The following NR6A1 variants were observed in gnomAD, a reference collection of about 807,000 sequenced individuals.
NR6A1 encodes nuclear receptor subfamily 6 group A member 1, also known as retinoic acid receptor-related testis-associated receptor.
NR6A1 carries 7 observed loss-of-function variants against 59.1 expected under a neutral mutation model. That is an observed-to-expected ratio of 0.12 (90% CI 0.07 to 0.22). NR6A1 has a LOEUF of 0.22. NR6A1 is among the 10% of genes least tolerant of loss of function. The probability of loss-of-function intolerance (pLI) is 1.00; values close to 1 mark genes in which losing one functional copy is unlikely to be tolerated. For missense variants in NR6A1, 468 were observed against 611.6 expected (o/e 0.77, Z 2.48); for synonymous variants, 243 against 236.1 (o/e 1.03, Z -0.27).
intron 2 of NR6A1, among the ~76,000 whole-genome samples, chr9:124,686,704 C>CTT (rs751899156): frequency 1.3e-3 from 174 of 135,830 alleles, no homozygotes; most frequent in African/African-American, 3.6e-3. Flanking sequence ...CTTTAAAAGT[C>CTT]TTTTTTTTTT....
intron 2 of NR6A1, among the ~76,000 whole-genome samples, chr9:124,636,171 T>C (rs1219385203): frequency 6.6e-6 from 1 of 152,266 alleles, no homozygotes; most frequent in African/African-American, 2.4e-5. Flanking sequence ...GAGGTATCTG[T>C]TAAGGCCTTT....
intron 2 of NR6A1, among the ~76,000 whole-genome samples, chr9:124,596,260 G>C (rs1356242706): frequency 2.0e-5 from 3 of 151,858 alleles, no homozygotes; most frequent in Non-Finnish European, 4.4e-5. Context: ...TTCGGTCTAA[G>C]GAAAAGACAA....
intron 2 of NR6A1, among the ~76,000 whole-genome samples, chr9:124,562,238 A>C (rs1056454769): frequency 2.0e-5 from 3 of 152,214 alleles, no homozygotes; most frequent in Non-Finnish European, 4.4e-5. Flanking sequence ...GTAGCCACAA[A>C]TATAATATCA....
At chr9:124,563,028 C>T (rs1834124433) in intron 2 of NR6A1, among the ~76,000 whole-genome samples, 1 of 152,200 alleles carries the variant, frequency 6.6e-6, no homozygotes, top group Admixed American at 6.5e-5. Context: ...TTCTCAGTTA[C>T]ACCTAACCAA....
chr9:124,667,623 A>G (rs1275834046), intron 2 of NR6A1, among the ~76,000 whole-genome samples: 4 of 152,212 alleles, frequency 2.6e-5, no homozygotes, highest in African/African-American at 9.6e-5. Context: ...GAAATTGTAT[A>G]GAAGAAAAAT....
At chr9:124,540,294 T>C (rs1294691995) in intron 4 of NR6A1, 107 bp from the exon 5 acceptor site, 9 of 1,185,392 alleles carry the variant, frequency 7.6e-6, no homozygotes, top group Non-Finnish European at 9.4e-6. Flanking sequence ...AAACCTAGGT[T>C]CCCTCTCCTC....
rs1409394902 is a variant in NR6A1 at position 124,524,825 on chromosome 9, C to T, written c.1250G>A (p.Arg417Gln). Residue 417 changes from arginine to glutamine, a missense_variant, in exon 9 of 10, where the codon CGA (arginine) becomes CAA (glutamine). Transcript: ENST00000487099. ...SASQLEQLNKRYWYICQDFTE... is the reference protein window; with the variant it reads ...SASQLEQLNKQYWYICQDFTE... ...AAAATCCTGGCAAATGTACCAGTATCGTTTATTCAATTGTTCCAGCTGTGA... is the reference window on the plus strand; with the variant it reads ...AAAATCCTGGCAAATGTACCAGTATTGTTTATTCAATTGTTCCAGCTGTGA... The T allele has an allele frequency of 3.7e-6, 6 of 1,613,410 alleles. No homozygotes were observed. The highest frequency in any genetic ancestry group is 2.2e-5 in the East Asian group (1 of 44,878).
In NR6A1 at chr9:124,733,212, G is replaced by T. The variant is rs149126037; in HGVS notation, c.142+96C>A. On this transcript the variant is annotated intron_variant, in intron 2 of 9. Transcript: ENST00000487099. ...GAAATAAAATCTGAGAGTCAATAAA[G>T]TAAGGCTTATCAATGACACCTTAAG... 4.4e-5 allele frequency: 39 copies of T among 878,944 alleles called. No homozygotes were observed. In the East Asian group the frequency reaches 9.0e-4, roughly 20 times the overall value. 54.4% of individuals were successfully genotyped at this position (878,944 alleles called of 1,614,324 possible).
intron 2 of NR6A1, among the ~76,000 whole-genome samples, chr9:124,692,809 T>C (rs1838602922): frequency 1.3e-5 from 2 of 152,262 alleles, no homozygotes; most frequent in Non-Finnish European, 2.9e-5. Flanking sequence ...TATGCACCAT[T>C]CTGGTGAGAA....
intron 2 of NR6A1, among the ~76,000 whole-genome samples, chr9:124,577,911 G>A (rs989016352): frequency 9.2e-5 from 14 of 152,328 alleles, no homozygotes; most frequent in Admixed American, 5.9e-4. Flanking sequence ...TAAATTCTAC[G>A]TGAACAGATA....
intron 2 of NR6A1, among the ~76,000 whole-genome samples, chr9:124,619,227 T>G (rs528627700): frequency 6.6e-6 from 1 of 152,006 alleles, no homozygotes; most frequent in Non-Finnish European, 1.5e-5. Flanking sequence ...TTAAGTGAAA[T>G]AAAACAAGCT....
At chr9:124,764,062 T>TA (rs1272419867) in intron 1 of NR6A1, among the ~76,000 whole-genome samples, 4 of 151,714 alleles carry the variant, frequency 2.6e-5, no homozygotes, top group African/African-American at 9.7e-5. Context: ...TGGATGCCTG[T>TA]AATCCCAGCT....
At chr9:124,663,377 T>A (rs535243395) in intron 2 of NR6A1, among the ~76,000 whole-genome samples, 59 of 152,340 alleles carry the variant, frequency 3.9e-4, no homozygotes, top group African/African-American at 1.4e-3. Context: ...TATGCCTGCT[T>A]GGTGCAAGAA....
intron 1 of NR6A1, among the ~76,000 whole-genome samples, chr9:124,758,787 T>A (rs1438421369): frequency 2.6e-5 from 4 of 152,208 alleles, no homozygotes; most frequent in African/African-American, 9.7e-5. Flanking sequence ...GAGGGATGAT[T>A]GAACAGTATC....
At chr9:124,679,056 C>A (rs1838044840) in intron 2 of NR6A1, among the ~76,000 whole-genome samples, 1 of 152,122 alleles carries the variant, frequency 6.6e-6, no homozygotes, top group Non-Finnish European at 1.5e-5. Flanking sequence ...AAAGAAAAGG[C>A]CCCCATTTTG....
intron 1 of NR6A1, among the ~76,000 whole-genome samples, chr9:124,739,892 G>C: frequency 6.6e-6 from 1 of 152,218 alleles, no homozygotes; most frequent in East Asian, 1.9e-4. Context: ...GTGCAACAGA[G>C]ACATGGACTC....
At chr9:124,765,017 T>C (rs1840890431) in intron 1 of NR6A1, among the ~76,000 whole-genome samples, 1 of 152,240 alleles carries the variant, frequency 6.6e-6, no homozygotes, top group African/African-American at 2.4e-5. Context: ...TGGTTTATGC[T>C]TGAATAGCTT....
intron 2 of NR6A1, among the ~76,000 whole-genome samples, chr9:124,574,814 C>T (rs184837287): frequency 1.3e-5 from 2 of 152,234 alleles, no homozygotes; most frequent in Admixed American, 1.3e-4. Flanking sequence ...CTTCCCACTC[C>T]CTTTTGGATA....
chr9:124,608,034 C>T (rs537681364), intron 2 of NR6A1, among the ~76,000 whole-genome samples: 24 of 152,008 alleles, frequency 1.6e-4, no homozygotes, highest in African/African-American at 5.8e-4. Context: ...ATCACGCCAT[C>T]GTACTCCAGC....
Sources: allele counts gnomAD v4.1 joint callset (sites outside exome capture counted in the v4.1 genomes callset), GRCh38; gene constraint gnomAD v4.1.1; transcripts MANE v1.5; gene names NCBI Gene and HGNC (gene_info 2026-07-23, HGNC 2026-07-21).